Variants in SMYD3 observed in about 807,000 individuals in gnomAD.
SMYD3 encodes SET and MYND domain containing 3.
Under a neutral mutation model 57.7 loss-of-function variants are expected in SMYD3, and 36 were observed. That is an observed-to-expected ratio of 0.62 (90% CI 0.48 to 0.82). The LOEUF (loss-of-function observed/expected upper bound fraction) is 0.82. Among genes scored for constraint, SMYD3 ranks in the 40% least tolerant of loss-of-function variants. SMYD3 has a pLI of 0.00. For missense variants in SMYD3, 515 were observed against 538.8 expected (o/e 0.96, Z 0.44); for synonymous variants, 211 against 195.0 (o/e 1.08, Z -0.68).
At chr1:246,046,188 C>T (rs138041402) in intron 5 of SMYD3, among the ~76,000 whole-genome samples, 6,166 of 152,146 alleles carry the variant, frequency 0.041, 149 homozygotes, top group African/African-American at 0.052. Context: ...ATGTTTATTG[C>T]GGCACTATTC....
chr1:245,808,565 G>A lies in SMYD3; in HGVS notation c.1077-44416C>T, dbSNP rs370129296. ...GGTGCAGGAGGGAGCCGCCTGGACC[G>A]GGTGAGGCTGGCCACTTTCCCCTTT... On this transcript the variant is annotated intron_variant, in intron 10 of 11. Coordinates refer to ENST00000490107, the MANE Select transcript of SMYD3 (RefSeq NM_001167740.2). Among the ~76,000 whole-genome samples the A allele has an allele frequency of 2.6e-4, 40 of 152,230 alleles. 1 individual carries two copies. In the East Asian group the frequency reaches 3.9e-3, roughly 15 times the overall value.
chr1:246,096,873 A>G (rs985345246), intron 5 of SMYD3, among the ~76,000 whole-genome samples: 7 of 152,222 alleles, frequency 4.6e-5, no homozygotes, highest in African/African-American at 1.7e-4. Flanking sequence ...TGATCTGTCC[A>G]TCTTACCAAA....
intron 5 of SMYD3, among the ~76,000 whole-genome samples, chr1:246,006,111 G>A (rs1029134443): frequency 6.6e-6 from 1 of 152,188 alleles, no homozygotes; most frequent in African/African-American, 2.4e-5. Flanking sequence ...TAAAGACGGT[G>A]ATTTGATGTT....
At chr1:246,247,346 A>C (rs2063720448) in intron 5 of SMYD3, among the ~76,000 whole-genome samples, 1 of 143,164 alleles carries the variant, frequency 7.0e-6, no homozygotes, top group African/African-American at 2.6e-5. Context: ...AAATTAATTA[A>C]ATAATTATTT....
chr1:245,848,850 A>G (rs1054427681), intron 10 of SMYD3, among the ~76,000 whole-genome samples: 2 of 152,214 alleles, frequency 1.3e-5, no homozygotes, highest in African/African-American at 4.8e-5. Context: ...GCAGGTAGGG[A>G]GGAGCAGCAG....
At chr1:245,932,813 C>T (rs1441935883) in intron 5 of SMYD3, among the ~76,000 whole-genome samples, 3 of 152,286 alleles carry the variant, frequency 2.0e-5, no homozygotes, top group South Asian at 4.1e-4. Context: ...CCTCCCGTCT[C>T]GGCTTCCCAA....
In SMYD3 at chr1:245,749,588, C is replaced by T; in HGVS notation, c.1262G>A (p.Cys421Tyr). Residue 421 changes from cysteine (C) to tyrosine (Y), a missense_variant, in exon 12 of 12, where the codon TGC (cysteine) becomes TAC (tyrosine). Transcript: ENST00000490107. ...IEDLILLLEECDANIRAS is the reference protein window; with the variant it reads ...IEDLILLLEEYDANIRAS ...TTAGGATGCTCTGATGTTGGCGTCG[C>T]ATTCTTCTAAAAGTAGAATCAAATC... The T allele has an allele frequency of 1.9e-6, 3 of 1,614,108 alleles. No individual in the cohort carries two copies. Among genetic ancestry groups the T allele is most frequent in the Non-Finnish European group, 2.5e-6 (3 of 1,179,940 alleles).
chr1:246,148,791 A>G lies in SMYD3; in HGVS notation c.531+178410T>C, dbSNP rs559309719. Among the ~76,000 whole-genome samples, 25 of 152,282 alleles carry G rather than the reference A, an allele frequency of 1.6e-4. No homozygotes were observed. In the East Asian group the frequency reaches 4.6e-3, roughly 28 times the overall value. ...CTGCCATCCTAACCCCCTCCCCAAC[A>G]TTTTCCAGGGATCAGCCCTTTACTT... On this transcript the variant is annotated intron_variant, in intron 5 of 11. Transcript: ENST00000490107.
At chr1:246,200,624 A>G (rs2062907059) in intron 5 of SMYD3, among the ~76,000 whole-genome samples, 1 of 149,130 alleles carries the variant, frequency 6.7e-6, no homozygotes, top group Admixed American at 6.6e-5. Context: ...GAGAAGATAG[A>G]GGAGAACAGC....
chr1:246,218,157 A>T lies in SMYD3; in HGVS notation c.531+109044T>A, dbSNP rs147897999. Reference sequence around the variant, plus strand: ...TAGACAAGAATACGTACACTCTGACATGAGTAAAGTTAAAAACATACCAAA... The same window carrying T: ...TAGACAAGAATACGTACACTCTGACTTGAGTAAAGTTAAAAACATACCAAA... On this transcript the variant is annotated intron_variant, in intron 5 of 11. Transcript: ENST00000490107. Among the ~76,000 whole-genome samples the T allele has an allele frequency of 8.9e-4, 136 of 152,244 alleles. 1 individual carries two copies. The highest frequency in any genetic ancestry group is 3.2e-3 in the African/African-American group (131 of 41,526).
At chr1:245,933,611 G>A (rs2056844179) in intron 5 of SMYD3, among the ~76,000 whole-genome samples, 1 of 152,164 alleles carries the variant, frequency 6.6e-6, no homozygotes, top group African/African-American at 2.4e-5. Context: ...TTGGTTCAGA[G>A]TCTAGGTCCA....
At chr1:246,205,294 A>G (rs901613235) in intron 5 of SMYD3, among the ~76,000 whole-genome samples, 43 of 152,330 alleles carry the variant, frequency 2.8e-4, no homozygotes, top group East Asian at 9.6e-4. Flanking sequence ...TTTCTTGACC[A>G]GGAAGCTTCC....
At chr1:246,189,235 G>A (rs936979262) in intron 5 of SMYD3, 2 of 152,144 alleles carry the variant, frequency 1.3e-5, no homozygotes, top group Admixed American at 6.6e-5. Context: ...ACACAGAGGC[G>A]CTTTCTTCTA....
chr1:245,998,770 G>C lies in SMYD3; in HGVS notation c.532-68833C>G, dbSNP rs549172919. Among the ~76,000 whole-genome samples the C allele has an allele frequency of 2.0e-5, 3 of 152,296 alleles. No individual in the cohort carries two copies. In the South Asian group the frequency reaches 6.2e-4, roughly 32 times the overall value. On this transcript the variant is annotated intron_variant, in intron 5 of 11. Coordinates refer to ENST00000490107, the MANE Select transcript of SMYD3 (RefSeq NM_001167740.2). ...GAAACATCCCAAGGGTCCGTCATCA[G>C]ATGAACAGAAAAAATGTGGTGTAGA...
intron 5 of SMYD3, among the ~76,000 whole-genome samples, chr1:246,187,943 T>A (rs1303916387): frequency 1.3e-5 from 2 of 152,108 alleles, no homozygotes; most frequent in Non-Finnish European, 2.9e-5. Context: ...GTGGCTCACA[T>A]TCCTCACGTG....
chr1:245,820,655 G>T (rs370611853), intron 10 of SMYD3, among the ~76,000 whole-genome samples: 2 of 152,124 alleles, frequency 1.3e-5, no homozygotes, highest in African/African-American at 4.8e-5. Context: ...CCCATCGTCT[G>T]AGCCCAAAAT....
At chr1:246,142,911 G>A (rs914729662) in intron 5 of SMYD3, among the ~76,000 whole-genome samples, 3 of 152,024 alleles carry the variant, frequency 2.0e-5, no homozygotes, top group Non-Finnish European at 4.4e-5. Flanking sequence ...CCAACCTTTG[G>A]CAGCTTCTTC....
intron 1 of SMYD3, among the ~76,000 whole-genome samples, chr1:246,383,549 A>G (rs1035396969): frequency 6.6e-6 from 1 of 152,258 alleles, no homozygotes; most frequent in African/African-American, 2.4e-5. Context: ...ACAGACAATT[A>G]TTTTGGATAT....
At chr1:246,207,782 G>T (rs2063024019) in intron 5 of SMYD3, among the ~76,000 whole-genome samples, 1 of 152,164 alleles carries the variant, frequency 6.6e-6, no homozygotes, top group Non-Finnish European at 1.5e-5. Flanking sequence ...ATTTGCTTAA[G>T]AAAGTTTTCT....
Sources: gnomAD v4.1 joint callset for allele counts (sites outside exome capture counted in the v4.1 genomes callset) on GRCh38, gnomAD v4.1.1 for gene constraint, MANE v1.5 for transcripts, NCBI Gene and HGNC (gene_info 2026-07-23, HGNC 2026-07-21) for gene names.